Variants in DLEC1 observed in about 807,000 individuals in gnomAD.
The protein encoded by DLEC1 is DLEC1 cilia and flagella associated protein, also known as deleted in lung and esophageal cancer protein 1.
Under a neutral mutation model 198.1 loss-of-function variants are expected in DLEC1, and 146 were observed. The ratio of observed to expected loss-of-function variants is 0.74; its 90% CI spans 0.64 to 0.85. The LOEUF (loss-of-function observed/expected upper bound fraction) is 0.85, where lower values mean the gene tolerates loss of function less well. Among genes scored for constraint, DLEC1 ranks in the 40% least tolerant of loss-of-function variants. The probability of loss-of-function intolerance (pLI) is 0.00; values close to 1 mark genes in which losing one functional copy is unlikely to be tolerated. For synonymous variants in DLEC1, 897 were observed against 866.8 expected, an observed-to-expected ratio of 1.03 and a Z score of -0.61; for missense variants, 2,233 against 2,220.0, an observed-to-expected ratio of 1.01 and a Z score of -0.12.
intron 22 of DLEC1, 36 bp from the exon 23 acceptor site, chr3:38,110,063 T>C: frequency 1.2e-6 from 2 of 1,609,060 alleles, no homozygotes; most frequent in Non-Finnish European, 1.7e-6. Flanking sequence ...GGTGGTGTGT[T>C]ACATAGTACC....
intron 18 of DLEC1, among the ~76,000 whole-genome samples, chr3:38,098,975 AG>A (rs1335951143): frequency 3.3e-5 from 5 of 152,180 alleles, no homozygotes; most frequent in African/African-American, 1.2e-4. Flanking sequence ...CAAAAGACTA[AG>A]GCTGGCGCTT....
At chr3:38,072,930 A>C (rs1254735953) in intron 6 of DLEC1, among the ~76,000 whole-genome samples, 1 of 152,088 alleles carries the variant, frequency 6.6e-6, no homozygotes, top group Non-Finnish European at 1.5e-5. Context: ...GCTACAAAGA[A>C]GAAGGTCATC....
intron 6 of DLEC1, among the ~76,000 whole-genome samples, chr3:38,080,704 G>A (rs13325897): frequency 0.42 from 64,020 of 151,594 alleles, 14,145 homozygotes; most frequent in East Asian, 0.58. Flanking sequence ...GCTAAGGGAG[G>A]AGAAGGAGGA....
rs1338944884 is a variant in DLEC1 at position 38,086,277 on chromosome 3, G to C, written c.1472G>C (p.Gly491Ala). 2 of 1,612,596 alleles carry C rather than the reference G, an allele frequency of 1.2e-6. No homozygotes were observed. Among genetic ancestry groups the C allele is most frequent in the Non-Finnish European group, 8.5e-7 (1 of 1,179,276 alleles). Residue 491 changes from glycine to alanine, a missense_variant, in exon 9 of 37, where the codon GGG (glycine) becomes GCG (alanine). Physicochemically the swap from Gly to Ala is moderately conservative, Grantham distance 60. Transcript: ENST00000308059. ...PVLDCGYCLI[G>A]GVKMTRFICK... is the part of the protein sequence containing the mutation. The stretch of plus-strand genomic sequence containing the variant: ...TTGGACTGTGGTTACTGCCTCATTG[G>C]GGGAGTCAAGATGACCAGATTCATC...
intron 19 of DLEC1, among the ~76,000 whole-genome samples, chr3:38,105,699 A>AT (rs559325528): frequency 1.2e-3 from 177 of 152,098 alleles, no homozygotes; most frequent in African/African-American, 4.2e-3. Flanking sequence ...TACTTGGATC[A>AT]TTTTTTTAAA....
At chr3:38,078,994 T>G (rs1697798030) in intron 6 of DLEC1, among the ~76,000 whole-genome samples, 1 of 152,168 alleles carries the variant, frequency 6.6e-6, no homozygotes. Flanking sequence ...CTTTAATCCT[T>G]TCAAAACATG....
chr3:38,121,317 T>C (rs1700447224), intron 34 of DLEC1, among the ~76,000 whole-genome samples: 1 of 152,156 alleles, frequency 6.6e-6, no homozygotes, highest in Admixed American at 6.5e-5. Context: ...GGCTGGGCCT[T>C]GGGGGCCACC....
At chr3:38,120,121 T>G (rs1237344798) in intron 33 of DLEC1, among the ~76,000 whole-genome samples, 1 of 152,114 alleles carries the variant, frequency 6.6e-6, no homozygotes, top group Admixed American at 6.5e-5. Context: ...CTCACTATCC[T>G]CAGCACACAG....
intron 4 of DLEC1, 43 bp from the exon 5 acceptor site, chr3:38,062,538 C>T (rs768029521): frequency 3.1e-4 from 502 of 1,606,118 alleles, no homozygotes; most frequent in Non-Finnish European, 4.0e-4. Context: ...CAAGCACAAT[C>T]CCTTTGCCTG....
intron 6 of DLEC1, among the ~76,000 whole-genome samples, chr3:38,067,989 G>C (rs1235140186): frequency 6.6e-6 from 1 of 152,106 alleles, no homozygotes; most frequent in Non-Finnish European, 1.5e-5. Flanking sequence ...CCTGACCTCA[G>C]ATGATTCACT....
chr3:38,049,815 A>G (rs907560154), intron 2 of DLEC1, among the ~76,000 whole-genome samples: 2 of 152,234 alleles, frequency 1.3e-5, no homozygotes, highest in Admixed American at 1.3e-4. Flanking sequence ...TATTTTAAAT[A>G]GGCCATCACC....
intron 6 of DLEC1, among the ~76,000 whole-genome samples, chr3:38,074,230 AGG>A: frequency 6.6e-6 from 1 of 152,354 alleles, no homozygotes; most frequent in African/African-American, 2.4e-5. Flanking sequence ...CTCACAGCAG[AGG>A]CAAGTAATTG....
intron 19 of DLEC1, among the ~76,000 whole-genome samples, chr3:38,101,136 C>T (rs187295050): frequency 6.6e-6 from 1 of 152,326 alleles, no homozygotes; most frequent in Admixed American, 6.5e-5. Context: ...CTTCTCCCCA[C>T]TCCTTCCCAA....
intron 33 of DLEC1, 111 bp downstream of exon 33, chr3:38,118,135 C>T: frequency 8.3e-7 from 1 of 1,204,738 alleles, no homozygotes; most frequent in Non-Finnish European, 1.2e-6. Context: ...AAACTGCATG[C>T]CTGACCCTGC....
chr3:38,081,005 T>C (rs1015778566), intron 6 of DLEC1, among the ~76,000 whole-genome samples: 2 of 132,612 alleles, frequency 1.5e-5, no homozygotes, highest in Middle Eastern at 3.3e-3. Flanking sequence ...AGATTAGGGA[T>C]TGGTGATGAC....
At chr3:38,097,095 G>A (rs575704299) in intron 15 of DLEC1, 87 bp from the exon 16 acceptor site, 19 of 1,294,046 alleles carry the variant, frequency 1.5e-5, no homozygotes, top group Middle Eastern at 1.9e-4. Flanking sequence ...GACTCTTTAC[G>A]AGCCCACAAT....
In DLEC1 at chr3:38,115,026, C is replaced by T. The variant is rs992633892; in HGVS notation, c.3829C>T (p.Leu1277Phe). 1.9e-6 allele frequency: 3 copies of T among 1,613,938 alleles called. No individual in the cohort carries two copies. Among genetic ancestry groups the T allele is most frequent in the African/African-American group, 2.7e-5 (2 of 74,932 alleles). ...CGGAGGAGACACAGTTACCCGAACC[C>T]TTCGCCTGAATAACTCCAGCCCCTG... ...VSGGDTVTRT[L>F]RLNNSSPCDI... The change falls in exon 27 of 37, where the codon CTT (leucine) becomes TTT (phenylalanine). Residue 1277 changes from leucine to phenylalanine, a missense_variant. Transcript: ENST00000308059.
chr3:38,053,305 G>A (rs1189253782), intron 2 of DLEC1, among the ~76,000 whole-genome samples: 3 of 151,632 alleles, frequency 2.0e-5, no homozygotes, highest in South Asian at 4.2e-4. Flanking sequence ...GGGAAGTGAG[G>A]AGCGCCTCTT....
At chr3:38,115,160 C>T (rs1700088763) in intron 27 of DLEC1, 107 bp downstream of exon 27, 1 of 1,236,146 alleles carries the variant, frequency 8.1e-7, no homozygotes, top group South Asian at 1.3e-5. Flanking sequence ...ATGAACAGGA[C>T]CCAGGTGTCC....
Sources: gnomAD v4.1 joint callset for allele counts (sites outside exome capture counted in the v4.1 genomes callset) on GRCh38, gnomAD v4.1.1 for gene constraint, MANE v1.5 for transcripts, NCBI Gene and HGNC (gene_info 2026-07-23, HGNC 2026-07-21) for gene names.